The following CDK8 variants were observed in gnomAD, a reference collection of about 807,000 sequenced individuals.
The protein encoded by CDK8 is cyclin dependent kinase 8, also known as cyclin-dependent kinase 8.
In CDK8, 29 loss-of-function variants were observed where a neutral mutation model predicts 71.5. That is an observed-to-expected ratio of 0.41 (90% confidence interval 0.30 to 0.55). The LOEUF is 0.55. Ranked by LOEUF, CDK8 falls within the 20% of genes least tolerant of loss-of-function variation. CDK8 has a pLI of 0.37. For synonymous variants in CDK8, 161 were observed against 192.1 expected (o/e 0.84, Z 1.34); for missense variants, 288 against 572.6 (o/e 0.50, Z 5.07).
chr13:26,364,111 T>C (rs900495630), intron 4 of CDK8, among the ~76,000 whole-genome samples: 6 of 152,212 alleles, frequency 3.9e-5, no homozygotes, highest in African/African-American at 1.4e-4. Context: ...GACTTCATTA[T>C]GGTTATTCAG....
chr13:26,382,892 G>A (rs1373436930), intron 5 of CDK8, 21 bp downstream of exon 5: 1 of 1,547,130 alleles, frequency 6.5e-7, no homozygotes, highest in Non-Finnish European at 8.8e-7. Flanking sequence ...TCTTTGCTAA[G>A]TCACAGTGTA....
At chr13:26,298,215 C>T (rs1480195873) in intron 1 of CDK8, among the ~76,000 whole-genome samples, 2 of 152,058 alleles carry the variant, frequency 1.3e-5, no homozygotes, top group Non-Finnish European at 2.9e-5. Context: ...GCCATGTCTG[C>T]CTACAGTAGT....
rs144507586 is a variant in CDK8 at position 26,352,462 on chromosome 13, C to G, written c.316-1278C>G. Among the ~76,000 whole-genome samples the G allele has an allele frequency of 3.4e-3, 510 of 152,218 alleles. 1 individual carries two copies. The highest frequency in any genetic ancestry group is 5.8e-3 in the Non-Finnish European group (395 of 68,024). On this transcript the variant is annotated intron_variant, in intron 3 of 12. Transcript: ENST00000381527. ...TGATCTCCTGACCTCGTGATCCACCCGCCTCAGCCTCCCAAAGTTCTGGGA... is the reference window on the plus strand; with the variant it reads ...TGATCTCCTGACCTCGTGATCCACCGGCCTCAGCCTCCCAAAGTTCTGGGA...
intron 1 of CDK8, among the ~76,000 whole-genome samples, chr13:26,329,832 A>G (rs549870799): frequency 2.6e-5 from 4 of 152,070 alleles, no homozygotes; most frequent in Admixed American, 1.3e-4. Context: ...ATCTGTCCTC[A>G]GGGCTGTCAC....
intron 2 of CDK8, among the ~76,000 whole-genome samples, chr13:26,343,013 C>G (rs1241285976): frequency 1.3e-5 from 2 of 152,120 alleles, no homozygotes; most frequent in Non-Finnish European, 2.9e-5. Flanking sequence ...TCTGTATGTC[C>G]TCATCATCTC....
chr13:26,273,387 A>C (rs1446795040), intron 1 of CDK8, among the ~76,000 whole-genome samples: 1 of 151,982 alleles, frequency 6.6e-6, no homozygotes, highest in Non-Finnish European at 1.5e-5. Flanking sequence ...ATCTGGTATT[A>C]TTTTTCACTT....
At chr13:26,345,663 G>A (rs1873434324) in intron 2 of CDK8, among the ~76,000 whole-genome samples, 1 of 152,168 alleles carries the variant, frequency 6.6e-6, no homozygotes, top group Non-Finnish European at 1.5e-5. Flanking sequence ...GATTACAGGC[G>A]TGAGCCACTG....
intron 1 of CDK8, among the ~76,000 whole-genome samples, chr13:26,325,955 G>C (rs183525744): frequency 1.3e-5 from 2 of 152,260 alleles, no homozygotes; most frequent in East Asian, 3.9e-4. Context: ...AAGGTTAGCT[G>C]TTGAGTCATC....
Position 26,401,247 on chromosome 13 carries a change from T to C in CDK8, c.1032-22T>C. The C allele has an allele frequency of 6.3e-7, 1 of 1,587,270 alleles. No individual in the cohort carries two copies. The highest frequency in any genetic ancestry group is 8.6e-7 in the Non-Finnish European group (1 of 1,158,126). On this transcript the variant is annotated intron_variant, in intron 10 of 12. Coordinates refer to ENST00000381527, the MANE Select transcript of CDK8 (RefSeq NM_001260.3). The surrounding 1 kb of genome is among the most constrained non-coding windows in gnomAD (Gnocchi z 4.5). ...ATATTGATTAGTATACCAGAAATGGTTTTTCTTTTTCTTATGATCAGCGTT... is the reference window on the plus strand; with the variant it reads ...ATATTGATTAGTATACCAGAAATGGCTTTTCTTTTTCTTATGATCAGCGTT...
chr13:26,280,922 T>G (rs187295317), intron 1 of CDK8, among the ~76,000 whole-genome samples: 111 of 152,340 alleles, frequency 7.3e-4, no homozygotes, highest in Non-Finnish European at 1.4e-3. Flanking sequence ...CTAGAAAAAC[T>G]GAAAGAATTC....
intron 4 of CDK8, among the ~76,000 whole-genome samples, chr13:26,368,686 T>G (rs1874510900): frequency 6.6e-6 from 1 of 152,248 alleles, no homozygotes; most frequent in Non-Finnish European, 1.5e-5. Context: ...TTTCTGTCTT[T>G]AAGGAGAATT....
At chr13:26,282,416 G>GCCCA (rs1872790492) in intron 1 of CDK8, among the ~76,000 whole-genome samples, 1 of 152,156 alleles carries the variant, frequency 6.6e-6, no homozygotes, top group Admixed American at 6.5e-5. Context: ...CCTATCTTTA[G>GCCCA]CCTCTACAAA....
chr13:26,272,218 G>A (rs138503833), intron 1 of CDK8, among the ~76,000 whole-genome samples: 3 of 151,858 alleles, frequency 2.0e-5, no homozygotes, highest in African/African-American at 4.8e-5. Context: ...TTGGCTGGGC[G>A]TAGTGGGTCA....
At chr13:26,353,943 C>T (rs773398458) in intron 4 of CDK8, 63 bp downstream of exon 4, 14 of 1,415,184 alleles carry the variant, frequency 9.9e-6, no homozygotes, top group Admixed American at 6.7e-5. Context: ...CTTTTCTAGT[C>T]GTCTGTAGAT....
intron 1 of CDK8, among the ~76,000 whole-genome samples, chr13:26,320,255 A>G (rs1020217035): frequency 6.6e-6 from 1 of 150,582 alleles, no homozygotes; most frequent in Non-Finnish European, 1.5e-5. Flanking sequence ...TTAAAAAAGA[A>G]AAAAAAAAGG....
At chr13:26,288,372 G>C (rs1873125045) in intron 1 of CDK8, among the ~76,000 whole-genome samples, 1 of 152,056 alleles carries the variant, frequency 6.6e-6, no homozygotes. Context: ...TTTACATTTA[G>C]AGTTACTGTA....
intron 1 of CDK8, among the ~76,000 whole-genome samples, chr13:26,317,505 A>G (rs1874565185): frequency 6.6e-6 from 1 of 152,240 alleles, no homozygotes; most frequent in Non-Finnish European, 1.5e-5. Flanking sequence ...TCTCAAGTAC[A>G]CATGGGACAT....
Position 26,262,401 on chromosome 13 carries a change from T to C in CDK8, c.128+7632T>C, listed in dbSNP as rs1871810031. Among the ~76,000 whole-genome samples the C allele has an allele frequency of 2.0e-5, 3 of 152,358 alleles. No homozygotes were observed. The South Asian group carries it at 6.2e-4, about 32-fold the overall frequency. On this transcript the variant is annotated intron_variant, in intron 1 of 12. Transcript: ENST00000381527. ...TTGTACTTTTGTGTATGTGTGTGTG[T>C]GTGTATCTGAAATTCATGTTTGAAA...
At chr13:26,381,867 C>G (rs115369020) in intron 4 of CDK8, among the ~76,000 whole-genome samples, 264 of 152,110 alleles carry the variant, frequency 1.7e-3, no homozygotes, top group African/African-American at 5.7e-3. Flanking sequence ...GTTAGAGAAG[C>G]CTGTGAAATG....
Sources: gnomAD v4.1 joint callset for allele counts (sites outside exome capture counted in the v4.1 genomes callset) on GRCh38, gnomAD v4.1.1 for gene constraint, Gnocchi (gnomAD v3.1) non-coding constraint, MANE v1.5 for transcripts, NCBI Gene and HGNC (gene_info 2026-07-23, HGNC 2026-07-21) for gene names.